Variants in ZNF844 observed in about 807,000 individuals in gnomAD.
ZNF844 encodes zinc finger protein 844.
In ZNF844, 11 loss-of-function variants were observed where a neutral mutation model predicts 11.4. The observed-to-expected ratio is 0.97, with a 90% confidence interval of 0.61 to 1.60. The LOEUF is 1.60. ZNF844 is among the 40% of genes most tolerant of loss of function. The pLI is 0.00. For missense variants in ZNF844, 790 were observed against 796.8 expected (o/e 0.99, Z 0.10); for synonymous variants, 248 against 260.3 (o/e 0.95, Z 0.46).
rs564002154 is a variant in ZNF844, at chr19:12,077,469, T to C, written c.*348T>C. 3.4e-5 allele frequency: 21 copies of C among 611,420 alleles called. No homozygotes were observed. Among genetic ancestry groups the C allele is most frequent in the South Asian group, 2.8e-4 (20 of 72,016 alleles). The allele number at this position is 611,420 out of a possible 1,614,324, so 37.9% of individuals were successfully genotyped here. ...CCACACCAGAGAGAAACACTATGAA[T>C]GTAAGCAGTGTGGGAAAGCCTTCAT... On this transcript the variant is annotated 3_prime_UTR_variant, in exon 4 of 4. Transcript: ENST00000439326.
intron 1 of ZNF844, among the ~76,000 whole-genome samples, chr19:12,069,953 C>CA (rs34426508): frequency 0.22 from 14,073 of 64,530 alleles, 1,248 homozygotes; most frequent in African/African-American, 0.33. Context: ...GACTCCGTCT[C>CA]AAAAAAAAAA....
rs747011941 is a variant in ZNF844 at position 12,075,427 on chromosome 19, T to C, written c.307T>C (p.Cys103Arg). The C allele has an allele frequency of 1.2e-6, 2 of 1,610,126 alleles. No individual in the cohort carries two copies. Among genetic ancestry groups the C allele is most frequent in the East Asian group, 2.2e-5 (1 of 44,678 alleles). ...NKKTSPGVKS[C>R]ESSVCGEVFV... ...AAAAACTTCTCCTGGAGTAAAATCA[T>C]GTGAAAGCAGTGTGTGTGGAGAAGT... Residue 103 changes from cysteine (C) to arginine (R), a missense_variant, in exon 4 of 4, where the codon TGT becomes CGT. This residue lies in a region of ZNF844 where 129 missense variants were observed against 144.0 expected (regional missense o/e 0.90). Transcript: ENST00000439326.
chr19:12,070,633 A>C (rs73923375), intron 1 of ZNF844, among the ~76,000 whole-genome samples: 2,672 of 152,296 alleles, frequency 0.018, 73 homozygotes, highest in African/African-American at 0.054. Flanking sequence ...AGACATATGA[A>C]TTAGGGTCTC....
chr19:12,075,038 T>C (rs927548856), intron 3 of ZNF844, among the ~76,000 whole-genome samples: 5 of 152,122 alleles, frequency 3.3e-5, no homozygotes, highest in African/African-American at 7.2e-5. Context: ...GCCTACACTT[T>C]CCTGGATAAT....
Position 12,076,358 on chromosome 19 carries a change from TCA to T in ZNF844, c.1242_1243del (p.Leu415GlyfsTer228), listed in dbSNP as rs760714660. 7 of 1,610,260 alleles carry T rather than the reference TCA, an allele frequency of 4.3e-6. No individual in the cohort carries two copies. Among genetic ancestry groups the T allele is most frequent in the Non-Finnish European group, 5.9e-6 (7 of 1,177,068 alleles). ...GTTCCTTTCACTATCATGAAAGGAC[TCA>T]CACTGGAGAGAAACCCTATGAATGT... On this transcript the variant is annotated frameshift_variant, in exon 4 of 4. Transcript: ENST00000439326. LOFTEE classifies it low-confidence loss of function (END_TRUNC).
chr19:12,075,368 C>A lies in ZNF844; in HGVS notation c.248C>A (p.Thr83Asn), dbSNP rs757629766. The change falls in exon 4 of 4, where the codon ACT becomes AAT. Residue 83 changes from threonine (T) to asparagine (N), a missense_variant. Thr to Asn is a moderately conservative substitution (Grantham distance 65, BLOSUM62 0). Coordinates refer to ENST00000439326, the MANE Select transcript of ZNF844 (RefSeq NM_001136501.3). ...ACAGAAGAAAATCATTGTGGAGAAACTTCTAGCCAGATTCCAGATGACACA... is the reference window on the plus strand; with the variant it reads ...ACAGAAGAAAATCATTGTGGAGAAAATTCTAGCCAGATTCCAGATGACACA... ...ENTEENHCGETSSQIPDDTLN... is the reference protein window; with the variant it reads ...ENTEENHCGENSSQIPDDTLN... 3 of 1,556,146 alleles carry A rather than the reference C, an allele frequency of 1.9e-6. No individual in the cohort carries two copies. The highest frequency in any genetic ancestry group is 2.1e-5 in the Admixed American group (1 of 47,672).
At chr19:12,075,206 TAATAA>T (rs56726883) in intron 3 of ZNF844, 101 bp from the exon 4 acceptor site, 9,038 of 825,970 alleles carry the variant, frequency 0.011, 351 homozygotes, top group African/African-American at 0.1. Context: ...AGTATATTAA[TAATAA>T]AATAAAATAA....
chr19:12,073,189 C>T (rs550956879), intron 1 of ZNF844, among the ~76,000 whole-genome samples: 19 of 151,352 alleles, frequency 1.3e-4, no homozygotes, highest in East Asian at 5.9e-4. Flanking sequence ...GACAGAGTTT[C>T]GCTTTTGTTG....
chr19:12,080,466 A>G lies in ZNF844; in HGVS notation c.*3345A>G, dbSNP rs900511465. On this transcript the variant is annotated 3_prime_UTR_variant, in exon 4 of 4. Transcript: ENST00000439326. Reference sequence around the variant, plus strand: ...CTTACATGCAATTTCAAAGGCAGACAAGAGGAAGTCATCAGTCACATTTTA... The same window carrying G: ...CTTACATGCAATTTCAAAGGCAGACGAGAGGAAGTCATCAGTCACATTTTA... 1.4e-5 allele frequency: 4 copies of G among 279,282 alleles called. No individual in the cohort carries two copies. The highest frequency in any genetic ancestry group is 2.8e-5 in the Non-Finnish European group (4 of 143,016). 17.3% of individuals were successfully genotyped at this position (279,282 alleles called of 1,614,324 possible).
At position 12,078,174 on chromosome 19, in the gene ZNF844, T is replaced by C. The variant is rs1975853605; in HGVS notation, c.*1053T>C. 6.6e-6 allele frequency: 1 copy of C among 152,576 alleles called. No homozygotes were observed. Among genetic ancestry groups the C allele is most frequent in the African/African-American group, 2.4e-5 (1 of 41,358 alleles). 9.5% of individuals were successfully genotyped at this position (152,576 alleles called of 1,614,324 possible). ...GTTGTTTGAGATGAGTCTTGTTCTG[T>C]TGCCCAGGCTGGAGTGCAGTGGCAT... On this transcript the variant is annotated 3_prime_UTR_variant, in exon 4 of 4. Transcript: ENST00000439326.
chr19:12,073,998 C>T (rs1975779319), intron 1 of ZNF844, 33 bp from the exon 2 acceptor site: 14 of 1,601,264 alleles, frequency 8.7e-6, no homozygotes, highest in Non-Finnish European at 1.0e-5. Flanking sequence ...GTCAGTCTCA[C>T]CCATCCTCCT....
At chr19:12,073,621 T>A (rs1975775589) in intron 1 of ZNF844, among the ~76,000 whole-genome samples, 1 of 152,240 alleles carries the variant, frequency 6.6e-6, no homozygotes, top group South Asian at 2.1e-4. Flanking sequence ...CCAGGTAATC[T>A]TCAATGGTTA....
chr19:12,072,366 A>G (rs1173844183), intron 1 of ZNF844, among the ~76,000 whole-genome samples: 1 of 152,214 alleles, frequency 6.6e-6, no homozygotes, highest in Non-Finnish European at 1.5e-5. Flanking sequence ...ATTTCTTCAA[A>G]GATCCAACTT....
intron 1 of ZNF844, among the ~76,000 whole-genome samples, chr19:12,066,086 C>G (rs545870082): frequency 6.6e-6 from 1 of 151,800 alleles, no homozygotes; most frequent in Admixed American, 6.6e-5. Context: ...CAGGCGCAGG[C>G]GGCTAATTTT....
intron 1 of ZNF844, among the ~76,000 whole-genome samples, chr19:12,071,531 C>T (rs1975752588): frequency 6.6e-6 from 1 of 152,088 alleles, no homozygotes; most frequent in South Asian, 2.1e-4. Flanking sequence ...TTTATGAATA[C>T]TGTTCATGAG....
chr19:12,065,205 C>A (rs773455140), intron 1 of ZNF844, among the ~76,000 whole-genome samples: 27 of 152,116 alleles, frequency 1.8e-4, no homozygotes, highest in Non-Finnish European at 8.8e-5. Flanking sequence ...TGGGGGCAAT[C>A]CCGCCTTGGG....
chr19:12,065,030 G>C (rs1442652342), intron 1 of ZNF844, among the ~76,000 whole-genome samples, 154 bp downstream of exon 1: 1 of 151,824 alleles, frequency 6.6e-6, no homozygotes, highest in African/African-American at 2.4e-5. Context: ...CTCGGCCTTC[G>C]GTCCATTCGG....
chr19:12,066,363 C>T (rs1222918481), intron 1 of ZNF844, among the ~76,000 whole-genome samples: 1 of 151,764 alleles, frequency 6.6e-6, no homozygotes, highest in Non-Finnish European at 1.5e-5. Flanking sequence ...CCTGAAAACA[C>T]TTATCTGCAG....
At position 12,069,178 on chromosome 19, in the gene ZNF844, C is replaced by CGTTTTTTTTTTTTTTTTTT. The variant is rs760998604; in HGVS notation, c.3+4302_3+4303insGTTTTTTTTTTTTTTTTTT. ...TGACTTTTCTTTTTATTCTTTTATT[C>CGTTTTTTTTTTTTTTTTTT]CTTTTTTTTTTTTTTTTTTTTTGAG... On this transcript the variant is annotated intron_variant, in intron 1 of 3. Coordinates refer to ENST00000439326, the MANE Select transcript of ZNF844 (RefSeq NM_001136501.3). Among the ~76,000 whole-genome samples the CGTTTTTTTTTTTTTTTTTT allele has an allele frequency of 1.5e-5, 2 of 137,478 alleles. 1 individual carries two copies. Among genetic ancestry groups the CGTTTTTTTTTTTTTTTTTT allele is most frequent in the African/African-American group, 6.0e-5 (2 of 33,358 alleles). The allele number at this position is 137,478 out of a possible 152,430, so 90.2% of individuals were successfully genotyped here.
Sources: gnomAD v4.1 joint callset for allele counts (sites outside exome capture counted in the v4.1 genomes callset) on GRCh38, gnomAD v4.1.1 for gene constraint, gnomAD v4.1.1 regional missense constraint, MANE v1.5 for transcripts, NCBI Gene and HGNC (gene_info 2026-07-23, HGNC 2026-07-21) for gene names.